Variants in PLCB3 observed in about 807,000 individuals in gnomAD.
PLCB3 encodes phospholipase C beta 3, also known as 1-phosphatidylinositol 4,5-bisphosphate phosphodiesterase beta-3.
Under a neutral mutation model 152.1 loss-of-function variants are expected in PLCB3, and 54 were observed. That is an observed-to-expected ratio of 0.36 (90% CI 0.29 to 0.45). PLCB3 has a LOEUF of 0.45. PLCB3 is among the 20% of genes least tolerant of loss of function. The pLI is 1.00. For missense variants in PLCB3, 1,248 were observed against 1,687.5 expected (o/e 0.74, Z 4.56); for synonymous variants, 717 against 698.7 (o/e 1.03, Z -0.41).
intron 3 of PLCB3, 33 bp downstream of exon 3, chr11:64,254,849 C>T (rs777647594): frequency 5.6e-6 from 9 of 1,613,758 alleles, no homozygotes; most frequent in Admixed American, 5.0e-5. Context: ...AAGACCACAG[C>T]GAGGCTGTGC....
chr11:64,260,555 G>A (rs2031795656), intron 14 of PLCB3, among the ~76,000 whole-genome samples: 2 of 151,964 alleles, frequency 1.3e-5, no homozygotes. Flanking sequence ...GCCAGGGGGT[G>A]CAGGAGCGGG....
chr11:64,260,310 A>G lies in PLCB3; in HGVS notation c.1731+76A>G, dbSNP rs2031784306. On this transcript the variant is annotated intron_variant, in intron 14 of 30. Transcript: ENST00000279230. The stretch of plus-strand genomic sequence containing the variant: ...CAGGGGGCTGGGTCTGACCATCAAC[A>G]AGACTGACATCACCCCTGCCTCCTG... 2.9e-6 allele frequency: 3 copies of G among 1,021,700 alleles called. 1 individual carries two copies. The highest frequency in any genetic ancestry group is 1.6e-5 in the African/African-American group (1 of 61,164). 63.3% of individuals were successfully genotyped at this position (1,021,700 alleles called of 1,614,324 possible).
intron 22 of PLCB3, among the ~76,000 whole-genome samples, chr11:64,264,338 A>T (rs1413172001): frequency 5.3e-5 from 8 of 152,194 alleles, no homozygotes; most frequent in African/African-American, 1.7e-4. Flanking sequence ...GTGGGGGTAC[A>T]GGGGTCTCAG....
Position 64,263,946 on chromosome 11 carries a change from T to A in PLCB3, c.2561-75T>A. 11 of 1,265,900 alleles carry A rather than the reference T, an allele frequency of 8.7e-6. No homozygotes were observed. In the South Asian group the frequency reaches 1.5e-4, roughly 17 times the overall value. 78.4% of individuals were successfully genotyped at this position (1,265,900 alleles called of 1,614,324 possible). A position where few individuals can be genotyped will look rare whatever the true frequency, so the allele number is the denominator to read the frequency against. On this transcript the variant is annotated intron_variant, in intron 21 of 30. Coordinates refer to ENST00000279230, the MANE Select transcript of PLCB3 (RefSeq NM_000932.5). ...TGAGGACAAGCTCTGGAATTCCTCATTGAGACCAGAGGTGGCGGGTGGGGG... is the reference window on the plus strand; with the variant it reads ...TGAGGACAAGCTCTGGAATTCCTCAATGAGACCAGAGGTGGCGGGTGGGGG...
rs1442986341 is a variant in PLCB3, at chr11:64,258,789, G to A, written c.1253+76G>A. 5.6e-6 allele frequency: 9 copies of A among 1,604,024 alleles called. No individual in the cohort carries two copies. The highest frequency in any genetic ancestry group is 7.7e-6 in the Non-Finnish European group (9 of 1,171,978). On this transcript the variant is annotated intron_variant, in intron 11 of 30. Coordinates refer to ENST00000279230, the MANE Select transcript of PLCB3 (RefSeq NM_000932.5). The surrounding 1 kb of genome is among the most constrained non-coding windows in gnomAD (Gnocchi z 7.2). ...GCTTCAGTGCTGTTGGACTGCTCAG[G>A]GACCTCCAACCCTGCGAACGGCCAC... is the stretch of plus-strand genomic sequence containing the variant.
In PLCB3 at chr11:64,256,520, C is replaced by CA. The variant is rs1565330858; in HGVS notation, c.845dup (p.Asn282LysfsTer16). On this transcript the variant is annotated frameshift_variant, in exon 9 of 31. Transcript: ENST00000279230. LOFTEE classifies it high-confidence loss of function. ...GGCTGCTCATCGAAAAGTATGAGCCCAACCAGCAGTTTCTGGAGCGAGGTG... is the reference window on the plus strand; with the variant it reads ...GGCTGCTCATCGAAAAGTATGAGCCCAAACCAGCAGTTTCTGGAGCGAGGTG... 6.2e-7 allele frequency: 1 copy of CA among 1,613,902 alleles called. No individual in the cohort carries two copies. Among genetic ancestry groups the CA allele is most frequent in the South Asian group, 1.1e-5 (1 of 91,090 alleles).
Position 64,256,659 on chromosome 11 carries a change from G to T in PLCB3, c.907G>T (p.Glu303Ter). The T allele has an allele frequency of 6.2e-7, 1 of 1,614,216 alleles. No homozygotes were observed. Among genetic ancestry groups the T allele is most frequent in the Non-Finnish European group, 8.5e-7 (1 of 1,180,036 alleles). ...GGGCTTTAGCCGCTACCTGGGAGGCGAGGAGAATGGCATCCTGCCCCTGGA... is the reference window on the plus strand; with the variant it reads ...GGGCTTTAGCCGCTACCTGGGAGGCTAGGAGAATGGCATCCTGCCCCTGGA... ...MEGFSRYLGG[E>*]ENGILPLEAL... is the part of the protein sequence containing the mutation. The change falls in exon 10 of 31, where the codon GAG becomes TAG. Residue 303 changes from glutamate (E) to a stop codon, truncating the protein, a stop_gained. Transcript: ENST00000279230. LOFTEE classifies it high-confidence loss of function.
Position 64,256,440 on chromosome 11 carries a change from C to T in PLCB3, c.763C>T (p.Arg255Cys), listed in dbSNP as rs779550854. 1.9e-6 allele frequency: 3 copies of T among 1,613,736 alleles called. No individual in the cohort carries two copies. Among genetic ancestry groups the T allele is most frequent in the Non-Finnish European group, 2.5e-6 (3 of 1,180,004 alleles). ...QLMDFINQKQ[R>C]DPRLNEVLYP... is the part of the protein sequence containing the mutation. ...CATGGACTTCATCAACCAGAAGCAACGCGACCCGAGACTCAACGAAGTGCT... is the reference window on the plus strand; with the variant it reads ...CATGGACTTCATCAACCAGAAGCAATGCGACCCGAGACTCAACGAAGTGCT... Residue 255 changes from arginine (R) to cysteine (C), a missense_variant, in exon 9 of 31, where the codon CGC (arginine) becomes TGC (cysteine). Arg to Cys is a radical substitution (Grantham distance 180, BLOSUM62 -3). This residue lies in a region of PLCB3 where 299 missense variants were observed against 434.7 expected (regional missense o/e 0.69). Coordinates refer to ENST00000279230, the MANE Select transcript of PLCB3 (RefSeq NM_000932.5).
chr11:64,262,613 A>C (rs2031912664), intron 18 of PLCB3, 34 bp from the exon 19 acceptor site: 2 of 1,612,284 alleles, frequency 1.2e-6, no homozygotes, highest in Admixed American at 3.3e-5. Flanking sequence ...CAGGACTCTC[A>C]GCATCCGCCT....
At chr11:64,265,824 A>T in intron 25 of PLCB3, 62 bp from the exon 26 acceptor site, 1 of 1,569,052 alleles carries the variant, frequency 6.4e-7, no homozygotes, top group Non-Finnish European at 8.7e-7. Context: ...CCCCCTACAC[A>T]CCCTCCCCAT....
chr11:64,262,622 C>A, intron 18 of PLCB3, 25 bp from the exon 19 acceptor site: 1 of 1,613,082 alleles, frequency 6.2e-7, no homozygotes, highest in Non-Finnish European at 8.5e-7. Context: ...CAGCATCCGC[C>A]TCACCCTCCT....
Position 64,262,063 on chromosome 11 carries a change from C to CT in PLCB3, c.2027dup (p.Gln677ProfsTer15). 6.2e-7 allele frequency: 1 copy of CT among 1,614,170 alleles called. No individual in the cohort carries two copies. Reference sequence around the variant, plus strand: ...TAGGGTGCCAGCTTGTTGCGCTCAACTTCCAGACCCTCGGTGAGCCCTGGC... The same window carrying CT: ...TAGGGTGCCAGCTTGTTGCGCTCAACTTTCCAGACCCTCGGTGAGCCCTGGC... On this transcript the variant is annotated frameshift_variant, in exon 17 of 31. Transcript: ENST00000279230. LOFTEE classifies it high-confidence loss of function.
At chr11:64,257,016 T>TTTTTTTTTTTTTTTCTTTTTTC (rs771872374) in intron 10 of PLCB3, among the ~76,000 whole-genome samples, 7 of 120,688 alleles carry the variant, frequency 5.8e-5, no homozygotes, top group African/African-American at 2.1e-4. Flanking sequence ...TTTTTTTTTT[T>TTTTTTTTTTTTTTTCTTTTTTC]TTTTTGAGAC....
intron 17 of PLCB3, 120 bp downstream of exon 17, chr11:64,262,196 A>G: frequency 1.4e-6 from 2 of 1,451,544 alleles, no homozygotes; most frequent in South Asian, 2.3e-5. Flanking sequence ...ATCCCAGGGG[A>G]ACCCAGCTCC....
At position 64,256,556 on chromosome 11, in the gene PLCB3, G is replaced by C. The variant is rs1490957532; in HGVS notation, c.865+14G>C. Reference sequence around the variant, plus strand: ...TTCTGGAGCGAGGTGAGCTGGCTGGGGTGCAGGTGGGTGGGGGCAGGTGGG... The same window carrying C: ...TTCTGGAGCGAGGTGAGCTGGCTGGCGTGCAGGTGGGTGGGGGCAGGTGGG... On this transcript the variant is annotated intron_variant, in intron 9 of 30. Coordinates refer to ENST00000279230, the MANE Select transcript of PLCB3 (RefSeq NM_000932.5). The C allele has an allele frequency of 2.5e-6, 4 of 1,613,186 alleles. No homozygotes were observed. The highest frequency in any genetic ancestry group is 8.5e-7 in the Non-Finnish European group (1 of 1,179,476).
chr11:64,261,974 C>T lies in PLCB3; in HGVS notation c.1936C>T (p.Arg646Cys). 1.2e-6 allele frequency: 2 copies of T among 1,614,182 alleles called. No individual in the cohort carries two copies. Among genetic ancestry groups the T allele is most frequent in the Non-Finnish European group, 8.5e-7 (1 of 1,180,016 alleles). The change falls in exon 17 of 31, where the codon CGC (arginine) becomes TGC (cysteine). Residue 646 changes from arginine (R) to cysteine (C), a missense_variant. Transcript: ENST00000279230. ...FVEYNKQQLS[R>C]IYPKGTRVDS... ...CAGATACAACAAGCAGCAGCTCAGC[C>T]GCATCTACCCCAAGGGCACCCGCGT... is the stretch of plus-strand genomic sequence containing the variant.
Position 64,255,790 on chromosome 11 carries a change from C to T in PLCB3, c.667C>T (p.Arg223Trp). 1.2e-6 allele frequency: 2 copies of T among 1,613,854 alleles called. No homozygotes were observed. The highest frequency in any genetic ancestry group is 8.5e-7 in the Non-Finnish European group (1 of 1,179,790). ...GCGGTTCCTGAACAAGCTGTGTCTG[C>T]GGCCGGACATTGACAAGATCCTGCT... Reference protein sequence around the residue: ...FERFLNKLCLRPDIDKILLEI... With the variant: ...FERFLNKLCLWPDIDKILLEI... Residue 223 changes from arginine (R) to tryptophan (W), a missense_variant, in exon 8 of 31, where the codon CGG becomes TGG. Arg to Trp is a moderately radical substitution (Grantham distance 101). Around this residue, in one of 6 missense-constraint regions of PLCB3, gnomAD observed 299 missense variants for 434.7 expected, o/e 0.69. Transcript: ENST00000279230. The surrounding 1 kb of genome is among the most constrained non-coding windows in gnomAD (Gnocchi z 6.8).
chr11:64,265,045 C>G lies in PLCB3; in HGVS notation c.2747C>G (p.Ser916Cys), dbSNP rs1292923210. The G allele has an allele frequency of 7.4e-7, 1 of 1,347,172 alleles. No individual in the cohort carries two copies. Among genetic ancestry groups the G allele is most frequent in the Non-Finnish European group, 1.0e-6 (1 of 992,188 alleles). 83.5% of individuals were successfully genotyped at this position (1,347,172 alleles called of 1,614,324 possible). A position where few individuals can be genotyped will look rare whatever the true frequency, so the allele number is the denominator to read the frequency against. ...CCCACCCCCAGCCCACTGGATGCCT[C>G]CCCCCGCCGGCCCCCTGGCCCCACC... is the stretch of plus-strand genomic sequence containing the variant. Reference protein sequence around the residue: ...SNPTPSPLDASPRRPPGPTTS... With the variant: ...SNPTPSPLDACPRRPPGPTTS... Residue 916 changes from serine (S) to cysteine (C), a missense_variant, in exon 23 of 31, where the codon TCC (serine) becomes TGC (cysteine). Ser to Cys is a moderately radical substitution (Grantham distance 112, BLOSUM62 -1). Transcript: ENST00000279230.
At position 64,263,517 on chromosome 11, in the gene PLCB3, C is replaced by A; in HGVS notation, c.2375C>A (p.Ala792Asp). 6.4e-7 allele frequency: 1 copy of A among 1,565,474 alleles called. No individual in the cohort carries two copies. Among genetic ancestry groups the A allele is most frequent in the East Asian group, 2.4e-5 (1 of 41,824 alleles). The stretch of plus-strand genomic sequence containing the variant: ...CCACAGGTGGTGCTGCCCACGCTGG[C>A]TTCACTTCGCATTGCAGCCTTTGAG... ...DFPKVVLPTL[A>D]SLRIAAFEEG... is the part of the protein sequence containing the mutation. Residue 792 changes from alanine (A) to aspartate (D), a missense_variant, in exon 20 of 31, where the codon GCT becomes GAT. Coordinates refer to ENST00000279230, the MANE Select transcript of PLCB3 (RefSeq NM_000932.5).
Sources: gnomAD v4.1 joint callset for allele counts (sites outside exome capture counted in the v4.1 genomes callset) on GRCh38, gnomAD v4.1.1 for gene constraint, gnomAD v4.1.1 regional missense constraint, Gnocchi (gnomAD v3.1) non-coding constraint, MANE v1.5 for transcripts, NCBI Gene and HGNC (gene_info 2026-07-23, HGNC 2026-07-21) for gene names.